The following SOD1 variants were observed in gnomAD, a reference collection of about 807,000 sequenced individuals.
SOD1 encodes the protein superoxide dismutase [Cu-Zn].
In SOD1, 8 loss-of-function variants were observed where a neutral mutation model predicts 15.9. That is an observed-to-expected ratio of 0.50 (90% CI 0.30 to 0.91). The LOEUF (loss-of-function observed/expected upper bound fraction) is 0.91. SOD1 is among the 40% of genes least tolerant of loss of function. SOD1 has a pLI of 0.07. For synonymous variants in SOD1, 86 were observed against 71.2 expected, an observed-to-expected ratio of 1.21 and a Z score of -1.04; for missense variants, 137 against 194.5, an observed-to-expected ratio of 0.70 and a Z score of 1.76.
chr21:31,666,752 T>C, intron 3 of SOD1: 1 of 565,218 alleles, frequency 1.8e-6, no homozygotes. Flanking sequence ...ATTTATTGAA[T>C]ATAGAACTAA....
Position 31,659,783 on chromosome 21 carries a change from C to T in SOD1, c.14C>T (p.Ala5Val), listed in dbSNP as rs121912442. 2 of 1,613,934 alleles carry T rather than the reference C, an allele frequency of 1.2e-6. No homozygotes were observed. The highest frequency in any genetic ancestry group is 1.7e-6 in the Non-Finnish European group (2 of 1,179,914). The part of the protein sequence containing the change: MATK[A>V]VCVLKGDGPV... ...GCCTAGCGAGTTATGGCGACGAAGG[C>T]CGTGTGCGTGCTGAAGGGCGACGGC... Residue 5 changes from alanine (A) to valine (V), a missense_variant, in exon 1 of 5, where the codon GCC becomes GTC. By Grantham distance (64) the Ala-to-Val change is moderately conservative. Coordinates refer to ENST00000270142, the MANE Select transcript of SOD1 (RefSeq NM_000454.5).
At chr21:31,664,270 G>GGAA in intron 2 of SOD1, 1 of 271,658 alleles carries the variant, frequency 3.7e-6, no homozygotes, top group East Asian at 8.3e-5. Context: ...ACTGTGCCTG[G>GGAA]GAAAACCCTC....
chr21:31,664,165 G>C (rs781721590), intron 2 of SOD1: 12 of 383,564 alleles, frequency 3.1e-5, no homozygotes, highest in Non-Finnish European at 5.5e-5. Flanking sequence ...TAGAGGTGGG[G>C]TTTCATCATG....
At chr21:31,667,145 A>C in intron 3 of SOD1, 113 bp from the exon 4 acceptor site, 3 of 753,434 alleles carry the variant, frequency 4.0e-6, no homozygotes, top group Non-Finnish European at 7.1e-6. Context: ...TAGAATGCCT[A>C]GCTACTTGTT....
At chr21:31,665,887 C>T (rs1351409886) in intron 2 of SOD1, among the ~76,000 whole-genome samples, 1 of 151,784 alleles carries the variant, frequency 6.6e-6, no homozygotes, top group Non-Finnish European at 1.5e-5. Flanking sequence ...CAGTCTGGTC[C>T]CTTATTTTTA....
chr21:31,661,250 T>C (rs931106741), intron 1 of SOD1, among the ~76,000 whole-genome samples: 1 of 152,246 alleles, frequency 6.6e-6, no homozygotes, highest in Admixed American at 6.5e-5. Flanking sequence ...CCTTTTTCTT[T>C]AATAGGTCTC....
chr21:31,664,196 C>T, intron 2 of SOD1: 1 of 361,054 alleles, frequency 2.8e-6, no homozygotes, highest in Non-Finnish European at 5.4e-6. Context: ...TGGTCTTGAA[C>T]TGCTGGGCTC....
At chr21:31,665,301 A>G (rs1289743312) in intron 2 of SOD1, among the ~76,000 whole-genome samples, 1 of 152,194 alleles carries the variant, frequency 6.6e-6, no homozygotes, top group African/African-American at 2.4e-5. Context: ...AGTTGCATTT[A>G]GTGATCTTTT....
chr21:31,666,554 A>AG (rs1267964474), intron 3 of SOD1, 36 bp downstream of exon 3: 1 of 1,398,766 alleles, frequency 7.1e-7, no homozygotes, highest in South Asian at 1.2e-5. Flanking sequence ...TAATGGCGAT[A>AG]GCTTTCTGGA....
Position 31,659,710 on chromosome 21 carries a change from A to C in SOD1, c.-60A>C. ...GCTGGTTTGCGTCGTAGTCTCCTGC[A>C]GCGTCTGGGGTTTCCGTTGCAGTCC... On this transcript the variant is annotated 5_prime_UTR_variant, in exon 1 of 5. Coordinates refer to ENST00000270142, the MANE Select transcript of SOD1 (RefSeq NM_000454.5). The C allele has an allele frequency of 6.4e-7, 1 of 1,566,830 alleles. No homozygotes were observed. Among genetic ancestry groups the C allele is most frequent in the Non-Finnish European group, 8.8e-7 (1 of 1,137,748 alleles).
intron 3 of SOD1, chr21:31,666,992 T>C (rs1460261484): frequency 1.9e-6 from 1 of 523,462 alleles, no homozygotes; most frequent in African/African-American, 1.9e-5. Context: ...GGGACATAGC[T>C]TTGTTAGCTA....
At chr21:31,663,025 GAA>G (rs931231929) in intron 1 of SOD1, among the ~76,000 whole-genome samples, 2 of 134,588 alleles carry the variant, frequency 1.5e-5, no homozygotes, top group Non-Finnish European at 3.2e-5. Flanking sequence ...AAAAAAAAAA[GAA>G]AAAAACTTAT....
At chr21:31,664,338 G>T (rs2049575133) in intron 2 of SOD1, 1 of 239,968 alleles carries the variant, frequency 4.2e-6, no homozygotes. Context: ...TGCTAAAATT[G>T]CAGGAACTGG....
Position 31,668,650 on chromosome 21 carries a change from ATAAACAT to A in SOD1, c.*79_*85del. ...CTGCTAGCTGTAGAAATGTATCCTG[ATAAACAT>A]TAAACACTGTAATCTTAAAAGTGTA... On this transcript the variant is annotated 3_prime_UTR_variant, in exon 5 of 5. Transcript: ENST00000270142. 2 of 1,123,050 alleles carry A rather than the reference ATAAACAT, an allele frequency of 1.8e-6. No individual in the cohort carries two copies. The allele number at this position is 1,123,050 out of a possible 1,614,324, so 69.6% of individuals were successfully genotyped here.
chr21:31,660,321 C>G (rs1480842936), intron 1 of SOD1: 2 of 152,386 alleles, frequency 1.3e-5, no homozygotes, highest in East Asian at 3.8e-4. Context: ...TCTTCGCATC[C>G]CTCTCCGCTT....
intron 1 of SOD1, among the ~76,000 whole-genome samples, chr21:31,662,160 C>G (rs1482011742): frequency 2.0e-5 from 3 of 152,140 alleles, no homozygotes; most frequent in Admixed American, 2.0e-4. Context: ...GAATGTATTA[C>G]CGGTTAAATG....
chr21:31,668,399 CT>C, intron 4 of SOD1, 71 bp from the exon 5 acceptor site: 2 of 941,712 alleles, frequency 2.1e-6, no homozygotes, highest in South Asian at 1.3e-5. Context: ...TCTTAAACAT[CT>C]TTTGGGTATT....
chr21:31,663,855 C>G lies in SOD1; in HGVS notation c.138C>G (p.Phe46Leu). ...GACTGACTGAAGGCCTGCATGGATT[C>G]CATGTTCATGAGTTTGGAGATAATA... is the stretch of plus-strand genomic sequence containing the variant. ...IKGLTEGLHG[F>L]HVHEFGDNTA... is the part of the protein sequence containing the mutation. The change falls in exon 2 of 5, where the codon TTC becomes TTG. Residue 46 changes from phenylalanine to leucine, a missense_variant. Phe to Leu is a conservative substitution (Grantham distance 22). Transcript: ENST00000270142. 3 of 1,613,482 alleles carry G rather than the reference C, an allele frequency of 1.9e-6. No homozygotes were observed. Among genetic ancestry groups the G allele is most frequent in the Non-Finnish European group, 2.5e-6 (3 of 1,179,504 alleles).
chr21:31,661,115 A>G (rs945931398), intron 1 of SOD1, among the ~76,000 whole-genome samples: 2 of 152,214 alleles, frequency 1.3e-5, no homozygotes, highest in African/African-American at 2.4e-5. Context: ...CTTAAAAATC[A>G]TGAGGGAATA....
Sources: gnomAD v4.1 joint callset for allele counts (sites outside exome capture counted in the v4.1 genomes callset) on GRCh38, gnomAD v4.1.1 for gene constraint, MANE v1.5 for transcripts, NCBI Gene and HGNC (gene_info 2026-07-23, HGNC 2026-07-21) for gene names.